The following GSTM1 variants were observed in gnomAD, a reference collection of about 807,000 sequenced individuals.
GSTM1 encodes glutathione S-transferase mu 1, also known as GST HB subunit 4.
GSTM1 carries 6 observed loss-of-function variants against 17.3 expected under a neutral mutation model. That is an observed-to-expected ratio of 0.35 (90% CI 0.19 to 0.68). The LOEUF (loss-of-function observed/expected upper bound fraction) is 0.68. Ranked by LOEUF, GSTM1 falls within the 30% of genes least tolerant of loss-of-function variation. The pLI, the probability that GSTM1 is intolerant of heterozygous loss-of-function variation, is 0.65. For synonymous variants in GSTM1, 20 were observed against 53.6 expected (o/e 0.37, Z 2.74); for missense variants, 62 against 155.9 (o/e 0.40, Z 3.21).
At chr1:109,688,417 G>T in intron 2 of GSTM1, 172 bp downstream of exon 2, 2 of 420,824 alleles carry the variant, frequency 4.8e-6, no homozygotes, top group Non-Finnish European at 8.6e-6. Flanking sequence ...AGAATGCTGG[G>T]GTGGGATGCT....
chr1:109,688,528 C>T lies in GSTM1; in HGVS notation c.113-145C>T. On this transcript the variant is annotated intron_variant, in intron 2 of 7. Transcript: ENST00000309851. ...AGAGCCCTCAGCGGGATTCTTTGTC[C>T]CTGAACCCTGGGATGTGGGACTGAG... 5.1e-6 allele frequency: 2 copies of T among 392,030 alleles called. 1 individual carries two copies. Among genetic ancestry groups the T allele is most frequent in the East Asian group, 1.2e-4 (2 of 16,838 alleles). 24.3% of individuals were successfully genotyped at this position (392,030 alleles called of 1,614,324 possible).
Position 109,691,873 on chromosome 1 carries a change from C to T in GSTM1, c.567+1309C>T, listed in dbSNP as rs149240591. ...TCCAACGGGCTTCTGAGCCTAGAAT[C>T]TGTTTCCCTTTCCCATCAAGAAATC... On this transcript the variant is annotated intron_variant, in intron 7 of 7. Transcript: ENST00000309851. 3.7e-5 allele frequency among the ~76,000 whole-genome samples: 3 copies of T among 81,166 alleles called. 1 individual carries two copies. The East Asian group carries it at 1.4e-3, about 38-fold the overall frequency. 53.2% of individuals were successfully genotyped at this position (81,166 alleles called of 152,430 possible).
rs1331353309 is a variant in GSTM1 at position 109,688,756 on chromosome 1, G to A, written c.177+19G>A. The A allele has an allele frequency of 1.3e-6, 1 of 786,754 alleles. No individual in the cohort carries two copies. Among genetic ancestry groups the A allele is most frequent in the Non-Finnish European group, 1.8e-6 (1 of 544,736 alleles). 48.7% of individuals were successfully genotyped at this position (786,754 alleles called of 1,614,324 possible). A position where few individuals can be genotyped will look rare whatever the true frequency, so the allele number is the denominator to read the frequency against. On this transcript the variant is annotated intron_variant, in intron 3 of 7. Coordinates refer to ENST00000309851, the MANE Select transcript of GSTM1 (RefSeq NM_000561.4). ...TCCCAATGTAGGTGCAGGGGAAGGG[G>A]CGGTTTTGGGGGAAAGTGCAACGTG... is the stretch of plus-strand genomic sequence containing the variant.
rs1349966213 is a variant in GSTM1 at position 109,689,315 on chromosome 1, A to G, written c.350A>G (p.Asn117Ser). The G allele has an allele frequency of 6.4e-6, 5 of 776,910 alleles. 2 individuals carry two copies. Among genetic ancestry groups the G allele is most frequent in the South Asian group, 3.8e-5 (2 of 53,310 alleles). The allele number at this position is 776,910 out of a possible 1,614,324, so 48.1% of individuals were successfully genotyped here. A position where few individuals can be genotyped will look rare whatever the true frequency, so the allele number is the denominator to read the frequency against. The stretch of plus-strand genomic sequence containing the variant: ...ATGCAGCTGGGCATGATCTGCTACA[A>G]TCCAGAATTTGTGAGTGTCCCCAGT... ...NHMQLGMICY[N>S]PEFEKLKPKY... The change falls in exon 5 of 8, where the codon AAT (asparagine) becomes AGT (serine). Residue 117 changes from asparagine to serine, a missense_variant. Asn to Ser is a conservative substitution (Grantham distance 46, BLOSUM62 1). Coordinates refer to ENST00000309851, the MANE Select transcript of GSTM1 (RefSeq NM_000561.4).
rs1227848241 is a variant in GSTM1, at chr1:109,688,031, A to G, written c.36+122A>G. 2 of 741,118 alleles carry G rather than the reference A, an allele frequency of 2.7e-6. 1 individual carries two copies. Among genetic ancestry groups the G allele is most frequent in the Non-Finnish European group, 4.0e-6 (2 of 502,598 alleles). 45.9% of individuals were successfully genotyped at this position (741,118 alleles called of 1,614,324 possible). A position where few individuals can be genotyped will look rare whatever the true frequency, so the allele number is the denominator to read the frequency against. On this transcript the variant is annotated intron_variant, in intron 1 of 7. Transcript: ENST00000309851. ...CTGCCCGCCTCAGAAGGGCCTGTGC[A>G]TGCCGCTGTGTGTGTGTTGGGGGTG...
Position 109,689,027 on chromosome 1 carries a change from G to A in GSTM1, c.178-21G>A, listed in dbSNP as rs113677167. The A allele has an allele frequency of 2.4e-4, 194 of 794,488 alleles. 68 individuals are homozygous for A. In the African/African-American group the frequency reaches 2.6e-3, roughly 11 times the overall value. 49.2% of individuals were successfully genotyped at this position (794,488 alleles called of 1,614,324 possible). ...GAGCCTGGTGGCCCAACTGAGCTTC[G>A]CCGGTTTCCCATCCATCCAGCTGCC... On this transcript the variant is annotated intron_variant, in intron 3 of 7. Coordinates refer to ENST00000309851, the MANE Select transcript of GSTM1 (RefSeq NM_000561.4).
At chr1:109,689,744 A>C (rs1023808626) in intron 5 of GSTM1, among the ~76,000 whole-genome samples, 3 of 79,780 alleles carry the variant, frequency 3.8e-5, no homozygotes, top group African/African-American at 1.1e-4. Context: ...GAGTGCTGTC[A>C]TTGACATGCA....
rs767657966 is a variant in GSTM1 at position 109,688,232 on chromosome 1, C to T, written c.99C>T (p.Tyr33=). 3.8e-6 allele frequency: 3 copies of T among 798,138 alleles called. 1 individual carries two copies. The African/African-American group carries it at 5.6e-5, about 15-fold the overall frequency. The allele number at this position is 798,138 out of a possible 1,614,324, so 49.4% of individuals were successfully genotyped here. The change falls in exon 2 of 8, where the codon TAC becomes TAT. Residue 33 remains tyrosine, a synonymous_variant. Coordinates refer to ENST00000309851, the MANE Select transcript of GSTM1 (RefSeq NM_000561.4). ...ACTCAAGCTATGAGGAAAAGAAGTA[C>T]ACGATGGGGGACGGTAATGGCACCC... The part of the protein sequence containing the change: ...YTDSSYEEKK[Y]TMGDAPDYDR...
Position 109,687,953 on chromosome 1 carries a change from G to A in GSTM1, c.36+44G>A. The A allele has an allele frequency of 2.7e-6, 2 of 753,902 alleles. 1 individual carries two copies. Among genetic ancestry groups the A allele is most frequent in the Middle Eastern group, 7.6e-4 (2 of 2,618 alleles). The allele number at this position is 753,902 out of a possible 1,614,324, so 46.7% of individuals were successfully genotyped here. A position where few individuals can be genotyped will look rare whatever the true frequency, so the allele number is the denominator to read the frequency against. ...GACGGTGGGACGAGGGCGCAGGGGA[G>A]GGAAGTGCGAAGCAGCTGCGGGACG... On this transcript the variant is annotated intron_variant, in intron 1 of 7. Coordinates refer to ENST00000309851, the MANE Select transcript of GSTM1 (RefSeq NM_000561.4).
At position 109,690,195 on chromosome 1, in the gene GSTM1, G is replaced by A. The variant is rs567500719; in HGVS notation, c.361-76G>A. On this transcript the variant is annotated intron_variant, in intron 5 of 7. Coordinates refer to ENST00000309851, the MANE Select transcript of GSTM1 (RefSeq NM_000561.4). The stretch of plus-strand genomic sequence containing the variant: ...TGCTTGCCCATGGCCAGCCTGGGCC[G>A]TCCACAGCCCCGGGGAGGCCACGTC... 206 of 531,962 alleles carry A rather than the reference G, an allele frequency of 3.9e-4. 72 individuals carry two copies. The highest frequency in any genetic ancestry group is 3.0e-3 in the African/African-American group (138 of 46,754). The allele number at this position is 531,962 out of a possible 1,614,324, so 33.0% of individuals were successfully genotyped here. A position where few individuals can be genotyped will look rare whatever the true frequency, so the allele number is the denominator to read the frequency against.
Position 109,687,934 on chromosome 1 carries a change from G to T in GSTM1, c.36+25G>T, listed in dbSNP as rs368311946. On this transcript the variant is annotated intron_variant, in intron 1 of 7. Coordinates refer to ENST00000309851, the MANE Select transcript of GSTM1 (RefSeq NM_000561.4). ...GGTGAGCGAGGGTCCGCTGGACGGT[G>T]GGACGAGGGCGCAGGGGAGGGAAGT... 59 of 778,186 alleles carry T rather than the reference G, an allele frequency of 7.6e-5. 21 individuals carry two copies. The African/African-American group carries it at 9.9e-4, about 13-fold the overall frequency. The allele number at this position is 778,186 out of a possible 1,614,324, so 48.2% of individuals were successfully genotyped here.
Position 109,688,987 on chromosome 1 carries a change from G to A in GSTM1, c.178-61G>A, listed in dbSNP as rs775534304. 28 of 701,890 alleles carry A rather than the reference G, an allele frequency of 4.0e-5. 10 individuals are homozygous for A. The highest frequency in any genetic ancestry group is 3.0e-4 in the South Asian group (16 of 52,498). 43.5% of individuals were successfully genotyped at this position (701,890 alleles called of 1,614,324 possible). A position where few individuals can be genotyped will look rare whatever the true frequency, so the allele number is the denominator to read the frequency against. On this transcript the variant is annotated intron_variant, in intron 3 of 7. Coordinates refer to ENST00000309851, the MANE Select transcript of GSTM1 (RefSeq NM_000561.4). ...GTCTCCTCTCTGCTCTTGCTTATGG[G>A]AAGGGGATGCTGGGGAGCCTGGTGG...
Position 109,687,835 on chromosome 1 carries a change from G to A in GSTM1, c.-39G>A, listed in dbSNP as rs774056373. 3.4e-4 allele frequency: 250 copies of A among 741,106 alleles called. 98 individuals carry two copies. The South Asian group carries it at 3.4e-3, about 10-fold the overall frequency. The allele number at this position is 741,106 out of a possible 1,614,324, so 45.9% of individuals were successfully genotyped here. A position where few individuals can be genotyped will look rare whatever the true frequency, so the allele number is the denominator to read the frequency against. ...AGCTCTTATACTCTGAGCCCTGCTC[G>A]GTTTAGGCCTGTCTGCGGAATCCGC... is the stretch of plus-strand genomic sequence containing the variant. On this transcript the variant is annotated 5_prime_UTR_variant, in exon 1 of 8. Coordinates refer to ENST00000309851, the MANE Select transcript of GSTM1 (RefSeq NM_000561.4).
Position 109,691,381 on chromosome 1 carries a change from C to T in GSTM1, c.567+817C>T, listed in dbSNP as rs1223730517. 1.0e-4 allele frequency among the ~76,000 whole-genome samples: 8 copies of T among 76,918 alleles called. 2 individuals are homozygous for T. The highest frequency in any genetic ancestry group is 9.8e-4 in the Admixed American group (7 of 7,126). The allele number at this position is 76,918 out of a possible 152,430, so 50.5% of individuals were successfully genotyped here. On this transcript the variant is annotated intron_variant, in intron 7 of 7. Transcript: ENST00000309851. ...ACGATTAGTTGGGATTACAGGTGTG[C>T]ACCACCACGTCTGGCTAATTTTTGT...
At position 109,690,568 on chromosome 1, in the gene GSTM1, A is replaced by G. The variant is rs1309954355; in HGVS notation, c.567+4A>G. 1.6e-5 allele frequency: 16 copies of G among 998,296 alleles called. 4 individuals are homozygous for G. The highest frequency in any genetic ancestry group is 2.2e-5 in the Non-Finnish European group (16 of 721,612). The allele number at this position is 998,296 out of a possible 1,614,324, so 61.8% of individuals were successfully genotyped here. ...GGACTTCATCTCCCGCTTTGAGGTG[A>G]TGCCCCCATCCTCCTTTCTCTTTGA... On this transcript the variant is annotated splice_donor_region_variant and intron_variant, in intron 7 of 7. Transcript: ENST00000309851.
intron 5 of GSTM1, among the ~76,000 whole-genome samples, chr1:109,689,813 C>T (rs1258047694): frequency 2.6e-5 from 2 of 78,224 alleles, no homozygotes; most frequent in Admixed American, 1.4e-4. Flanking sequence ...GCCTTTATTC[C>T]TCTCCCTCCT....
chr1:109,690,894 C>A lies in GSTM1; in HGVS notation c.567+330C>A, dbSNP rs567349759. ...TCTATGGGTGGCAGTCAGGGCTCTC[C>A]CATTTGTGACAGAAGAAAAAGCCTT... On this transcript the variant is annotated intron_variant, in intron 7 of 7. Transcript: ENST00000309851. 9.3e-4 allele frequency among the ~76,000 whole-genome samples: 76 copies of A among 81,370 alleles called. 22 individuals are homozygous for A. Among genetic ancestry groups the A allele is most frequent in the African/African-American group, 2.4e-3 (70 of 28,636 alleles). 53.4% of individuals were successfully genotyped at this position (81,370 alleles called of 152,430 possible).
At chr1:109,691,779 C>T (rs57201490) in intron 7 of GSTM1, among the ~76,000 whole-genome samples, 2,975 of 82,276 alleles carry the variant, frequency 0.036, 988 homozygotes, top group African/African-American at 0.096. Flanking sequence ...AACCATCCCT[C>T]ACCCTTGCTG....
In GSTM1 at chr1:109,690,586, C is replaced by T. The variant is rs1570639364; in HGVS notation, c.567+22C>T. The T allele has an allele frequency of 8.9e-6, 8 of 902,922 alleles. 3 individuals are homozygous for T. In the East Asian group the frequency reaches 3.6e-4, roughly 41 times the overall value. The allele number at this position is 902,922 out of a possible 1,614,324, so 55.9% of individuals were successfully genotyped here. On this transcript the variant is annotated intron_variant, in intron 7 of 7. Coordinates refer to ENST00000309851, the MANE Select transcript of GSTM1 (RefSeq NM_000561.4). ...TGAGGTGATGCCCCCATCCTCCTTT[C>T]TCTTTGATGCCCCTTGTTCCGTTAC...
Sources: allele counts gnomAD v4.1 joint callset (sites outside exome capture counted in the v4.1 genomes callset), GRCh38; gene constraint gnomAD v4.1.1; transcripts MANE v1.5; gene names NCBI Gene and HGNC (gene_info 2026-07-23, HGNC 2026-07-21).